The following ARHGAP24 variants were observed in gnomAD, a reference collection of about 807,000 sequenced individuals.
ARHGAP24 encodes the protein Rho GTPase activating protein 24, also known as rho GTPase-activating protein 24.
A neutral mutation model predicts 76.4 loss-of-function variants in ARHGAP24; 50 were observed. The ratio of observed to expected loss-of-function variants is 0.65; its 90% CI spans 0.52 to 0.83. The LOEUF is 0.83. Ranked by LOEUF, ARHGAP24 falls within the 40% of genes least tolerant of loss-of-function variation. The pLI, the probability that ARHGAP24 is intolerant of heterozygous loss-of-function variation, is 0.00. For synonymous variants in ARHGAP24, 345 were observed against 323.3 expected (o/e 1.07, Z -0.72); for missense variants, 930 against 914.2 (o/e 1.02, Z -0.22).
At chr4:85,838,188 G>A (rs1024930652) in intron 3 of ARHGAP24, among the ~76,000 whole-genome samples, 4 of 152,210 alleles carry the variant, frequency 2.6e-5, no homozygotes, top group African/African-American at 9.6e-5. Flanking sequence ...AGGTTAAATC[G>A]TGACATCAAC....
intron 3 of ARHGAP24, among the ~76,000 whole-genome samples, chr4:85,729,986 T>G (rs1725339940): frequency 6.6e-6 from 1 of 152,112 alleles, no homozygotes. Flanking sequence ...GAGCCAGAAT[T>G]AGAACTCTGA....
chr4:85,908,539 A>G (rs931613489), intron 3 of ARHGAP24, among the ~76,000 whole-genome samples: 3 of 152,218 alleles, frequency 2.0e-5, no homozygotes, highest in Non-Finnish European at 2.9e-5. Flanking sequence ...TACACATATC[A>G]TTTATGCAAA....
At chr4:85,683,753 C>G (rs535007335) in intron 2 of ARHGAP24, among the ~76,000 whole-genome samples, 279 of 152,248 alleles carry the variant, frequency 1.8e-3, no homozygotes, top group Non-Finnish European at 3.4e-3. Flanking sequence ...CTTGCCATTC[C>G]TTTCCCAACC....
At chr4:85,527,770 T>C (rs986664976) in intron 1 of ARHGAP24, among the ~76,000 whole-genome samples, 7 of 152,166 alleles carry the variant, frequency 4.6e-5, no homozygotes, top group African/African-American at 1.7e-4. Context: ...ACCTGGCAAG[T>C]ATTGCTTTCC....
At chr4:85,689,669 G>A (rs771886889) in intron 2 of ARHGAP24, among the ~76,000 whole-genome samples, 16 of 152,150 alleles carry the variant, frequency 1.1e-4, no homozygotes, top group African/African-American at 3.4e-4. Flanking sequence ...GATTACAGAC[G>A]TGAGCCAGCA....
intron 2 of ARHGAP24, among the ~76,000 whole-genome samples, chr4:85,664,782 T>C (rs1026693069): frequency 6.6e-6 from 1 of 152,146 alleles, no homozygotes; most frequent in Non-Finnish European, 1.5e-5. Context: ...CCAGTAGTCA[T>C]TCAGGAGCAG....
intron 1 of ARHGAP24, among the ~76,000 whole-genome samples, chr4:85,569,767 C>G (rs1469701398): frequency 6.6e-6 from 1 of 152,162 alleles, no homozygotes; most frequent in Non-Finnish European, 1.5e-5. Context: ...AGGGAATAGT[C>G]TGGGAAACAG....
At chr4:85,935,118 A>C (rs1736557690) in intron 4 of ARHGAP24, among the ~76,000 whole-genome samples, 1 of 152,214 alleles carries the variant, frequency 6.6e-6, no homozygotes, top group South Asian at 2.1e-4. Flanking sequence ...TGTATGTTAT[A>C]TATGTTGTAA....
intron 3 of ARHGAP24, among the ~76,000 whole-genome samples, chr4:85,920,004 G>A (rs1222200803): frequency 2.6e-5 from 4 of 152,100 alleles, no homozygotes; most frequent in Admixed American, 6.5e-5. Flanking sequence ...GCATATTAAC[G>A]TATGGTATGT....
chr4:85,480,216 T>C (rs1722756180), intron 1 of ARHGAP24, among the ~76,000 whole-genome samples: 1 of 152,314 alleles, frequency 6.6e-6, no homozygotes, highest in Non-Finnish European at 1.5e-5. Flanking sequence ...TGGCACCTTA[T>C]GTTATGCGTT....
chr4:85,761,123 T>C (rs751531886), intron 3 of ARHGAP24, among the ~76,000 whole-genome samples: 4 of 152,182 alleles, frequency 2.6e-5, no homozygotes, highest in African/African-American at 9.7e-5. Flanking sequence ...TCTCAATCTT[T>C]TGTGGTGGTG....
chr4:85,674,633 A>G (rs1218717398), intron 2 of ARHGAP24, among the ~76,000 whole-genome samples: 3 of 152,196 alleles, frequency 2.0e-5, no homozygotes, highest in Non-Finnish European at 4.4e-5. Flanking sequence ...TTTTAACTCC[A>G]AGTCCTATGT....
intron 3 of ARHGAP24, among the ~76,000 whole-genome samples, chr4:85,836,847 C>A (rs1730319012): frequency 6.6e-6 from 1 of 152,334 alleles, no homozygotes; most frequent in South Asian, 2.1e-4. Flanking sequence ...AGTCTCAAGC[C>A]TCTTCTAGAC....
At chr4:85,755,112 T>C (rs187151536) in intron 3 of ARHGAP24, among the ~76,000 whole-genome samples, 23 of 152,350 alleles carry the variant, frequency 1.5e-4, no homozygotes, top group African/African-American at 4.8e-4. Flanking sequence ...AAGGAACCTG[T>C]TGCGTAAATT....
chr4:85,632,902 A>G (rs901303158), intron 2 of ARHGAP24, among the ~76,000 whole-genome samples: 12 of 152,094 alleles, frequency 7.9e-5, no homozygotes, highest in African/African-American at 2.9e-4. Context: ...CCCCAGGAAC[A>G]GTATTATTTA....
intron 6 of ARHGAP24, among the ~76,000 whole-genome samples, chr4:85,972,728 T>C (rs1377602956): frequency 2.0e-5 from 3 of 152,178 alleles, no homozygotes; most frequent in Non-Finnish European, 4.4e-5. Context: ...ATAAACCCCA[T>C]ACCCTCTCTT....
At chr4:85,694,268 G>C (rs1723788530) in intron 2 of ARHGAP24, among the ~76,000 whole-genome samples, 1 of 151,990 alleles carries the variant, frequency 6.6e-6, no homozygotes, top group Admixed American at 6.6e-5. Flanking sequence ...GAAACTACGG[G>C]ATTGTTCAAG....
chr4:85,828,398 T>A (rs1729823943), intron 3 of ARHGAP24, among the ~76,000 whole-genome samples: 1 of 152,200 alleles, frequency 6.6e-6, no homozygotes. Context: ...GTTGAAACTT[T>A]GAGAGAGTAG....
intron 3 of ARHGAP24, among the ~76,000 whole-genome samples, chr4:85,787,553 C>A (rs772548279): frequency 5.9e-5 from 9 of 152,144 alleles, no homozygotes; most frequent in Non-Finnish European, 1.3e-4. Flanking sequence ...TTGTTTGTAA[C>A]AGCTTTTGAG....
Sources: allele counts gnomAD v4.1 joint callset (sites outside exome capture counted in the v4.1 genomes callset), GRCh38; gene constraint gnomAD v4.1.1; transcripts MANE v1.5; gene names NCBI Gene and HGNC (gene_info 2026-07-23, HGNC 2026-07-21).